The following NDRG2 variants were observed in gnomAD, a reference collection of about 807,000 sequenced individuals.
NDRG2 encodes NDRG family member 2, also known as protein NDRG2.
In NDRG2, 34 loss-of-function variants were observed where a neutral mutation model predicts 58.2. The observed-to-expected ratio is 0.58, with a 90% CI of 0.44 to 0.78. The LOEUF (loss-of-function observed/expected upper bound fraction) is 0.78. NDRG2 is among the 30% of genes least tolerant of loss of function. NDRG2 has a pLI of 0.00. For synonymous variants in NDRG2, 187 were observed against 175.9 expected (o/e 1.06, Z -0.50); for missense variants, 434 against 471.2 (o/e 0.92, Z 0.73).
In NDRG2 at chr14:21,050,411, G is replaced by A. The variant is rs569184062; in HGVS notation, c.24+20417C>T. Among the ~76,000 whole-genome samples, 8 of 152,288 alleles carry A rather than the reference G, an allele frequency of 5.3e-5. No individual in the cohort carries two copies. The South Asian group carries it at 1.7e-3, about 32-fold the overall frequency. ...TGAAAACATTACAGAGATCCTGTTTGGTGGAGCTCCGGGTGGGCCTGAGAT... is the reference window on the plus strand; with the variant it reads ...TGAAAACATTACAGAGATCCTGTTTAGTGGAGCTCCGGGTGGGCCTGAGAT... On this transcript the variant is annotated intron_variant, in intron 1 of 14. Coordinates refer to the NDRG2 transcript ENST00000403829.
chr14:21,063,211 GGTGTGTATGTGTGT>G (rs766562877), intron 1 of NDRG2, among the ~76,000 whole-genome samples: 41 of 151,392 alleles, frequency 2.7e-4, no homozygotes, highest in Non-Finnish European at 4.1e-4. Flanking sequence ...GCCTAAAAGT[GGTGTGTATGTGTGT>G]GTGTGTATGT....
chr14:21,034,082 T>A, intron 1 of NDRG2: 3 of 1,614,198 alleles, frequency 1.9e-6, no homozygotes, highest in Non-Finnish European at 1.7e-6. Context: ...AATGGATCTT[T>A]GGGCAATCTG....
intron 1 of NDRG2, among the ~76,000 whole-genome samples, chr14:21,068,329 AT>A (rs1330645871): frequency 6.6e-6 from 1 of 150,688 alleles, no homozygotes; most frequent in African/African-American, 2.4e-5. Context: ...AAAAAAAAAA[AT>A]GATCCACTCC....
intron 1 of NDRG2, among the ~76,000 whole-genome samples, chr14:21,052,471 A>G (rs545848121): frequency 6.6e-6 from 1 of 152,346 alleles, no homozygotes; most frequent in East Asian, 1.9e-4. Context: ...GTTCTAAAGG[A>G]TGGATAATAT....
chr14:21,040,774 G>A (rs913332891), intron 1 of NDRG2, among the ~76,000 whole-genome samples: 26 of 152,222 alleles, frequency 1.7e-4, no homozygotes, highest in Admixed American at 1.3e-3. Context: ...ATAATCACAA[G>A]TTCACTCTTA....
intron 1 of NDRG2, among the ~76,000 whole-genome samples, chr14:21,045,126 A>G (rs1885087671): frequency 6.6e-6 from 1 of 152,190 alleles, no homozygotes; most frequent in Admixed American, 6.5e-5. Context: ...ACGCAGACCA[A>G]GGCAAATACC....
chr14:21,030,640 G>A (rs569699209), upstream of NDRG2: 3 of 1,614,072 alleles, frequency 1.9e-6, no homozygotes, highest in South Asian at 2.2e-5. Context: ...GAATCATCAA[G>A]CAGTGGCACT....
chr14:21,022,196 A>G lies in NDRG2; in HGVS notation c.224-14T>C. On this transcript the variant is annotated splice_polypyrimidine_tract_variant and intron_variant, in intron 4 of 15. Coordinates refer to ENST00000556147, the MANE Select transcript of NDRG2 (RefSeq NM_001320329.2). ...AGCAAGATTTATCTAAAGAGAACCC[A>G]CATCACCTCAACAATAGAATCAGAC... 3 of 1,614,156 alleles carry G rather than the reference A, an allele frequency of 1.9e-6. No individual in the cohort carries two copies. The highest frequency in any genetic ancestry group is 2.5e-6 in the Non-Finnish European group (3 of 1,180,032).
chr14:21,044,171 A>G (rs1885040583), intron 1 of NDRG2: 1 of 167,108 alleles, frequency 6.0e-6, no homozygotes, highest in Non-Finnish European at 1.5e-5. Flanking sequence ...TGAAGAAACG[A>G]GTGCTCTGAA....
At chr14:21,060,039 A>ATAC (rs1885878185) in intron 1 of NDRG2, among the ~76,000 whole-genome samples, 1 of 152,148 alleles carries the variant, frequency 6.6e-6, no homozygotes, top group East Asian at 1.9e-4. Context: ...ACCTACTCAT[A>ATAC]TACTCACACT....
intron 1 of NDRG2, among the ~76,000 whole-genome samples, chr14:21,046,587 A>ATACG (rs1885172577): frequency 6.7e-6 from 1 of 149,586 alleles, no homozygotes; most frequent in African/African-American, 2.5e-5. Flanking sequence ...ACATACATAC[A>ATACG]TACATACCTT....
chr14:21,070,764 C>T lies in NDRG2; in HGVS notation c.24+64G>A. On this transcript the variant is annotated intron_variant, in intron 1 of 14. Transcript: ENST00000403829. The surrounding 1 kb of genome is among the most constrained non-coding windows in gnomAD (Gnocchi z 4.7). Reference sequence around the variant, plus strand: ...TCCGAGCTCCTTACCCGCGGGAGACCCCTGCGGGTTGGTCCTGCAGCGACC... The same window carrying T: ...TCCGAGCTCCTTACCCGCGGGAGACTCCTGCGGGTTGGTCCTGCAGCGACC... The T allele has an allele frequency of 2.0e-6, 3 of 1,507,010 alleles. No homozygotes were observed. Among genetic ancestry groups the T allele is most frequent in the Non-Finnish European group, 2.7e-6 (3 of 1,121,470 alleles). 93.4% of individuals were successfully genotyped at this position (1,507,010 alleles called of 1,614,324 possible). A position where few individuals can be genotyped will look rare whatever the true frequency, so the allele number is the denominator to read the frequency against.
chr14:21,060,980 G>A (rs1414762715), intron 1 of NDRG2, among the ~76,000 whole-genome samples: 2 of 152,188 alleles, frequency 1.3e-5, no homozygotes. Context: ...GCCTTGGAGG[G>A]GGCCGTGATT....
At chr14:21,030,640 G>C (rs569699209), upstream of NDRG2, 1 of 1,614,072 alleles carries the variant, frequency 6.2e-7, no homozygotes, top group South Asian at 1.1e-5. Flanking sequence ...GAATCATCAA[G>C]CAGTGGCACT....
intron 1 of NDRG2, chr14:21,057,854 C>G: frequency 6.4e-7 from 1 of 1,568,544 alleles, no homozygotes; most frequent in Non-Finnish European, 8.7e-7. Flanking sequence ...ATTCATCCAC[C>G]TACCTCCTCA....
Position 21,070,472 on chromosome 14 carries a change from G to C in NDRG2, c.24+356C>G, listed in dbSNP as rs1466411863. ...CCCGCTCCGGGCCCCCAAGTCCTCA[G>C]CCTGGTGCCTCCCGAGCCTGCCTCG... On this transcript the variant is annotated intron_variant, in intron 1 of 14. Transcript: ENST00000403829. The surrounding 1 kb of genome is among the most constrained non-coding windows in gnomAD (Gnocchi z 4.7). 21 of 1,350,798 alleles carry C rather than the reference G, an allele frequency of 1.6e-5. No individual in the cohort carries two copies. The highest frequency in any genetic ancestry group is 1.9e-4 in the Middle Eastern group (1 of 5,196). 83.7% of individuals were successfully genotyped at this position (1,350,798 alleles called of 1,614,324 possible).
chr14:21,043,171 A>T, intron 1 of NDRG2: 1 of 1,614,204 alleles, frequency 6.2e-7, no homozygotes, highest in Non-Finnish European at 8.5e-7. Flanking sequence ...AACATTAACA[A>T]GCACACAAAA....
At chr14:21,033,766 G>T in intron 1 of NDRG2, 3 of 1,194,662 alleles carry the variant, frequency 2.5e-6, no homozygotes, top group African/African-American at 1.5e-5. Flanking sequence ...CAGAGTGTTG[G>T]AAATGGAGAC....
At chr14:21,018,948 C>A in intron 11 of NDRG2, 134 bp from the exon 12 acceptor site, 4 of 1,292,856 alleles carry the variant, frequency 3.1e-6, no homozygotes, top group East Asian at 2.4e-5. Context: ...CTGATGCCAC[C>A]AAGAGGATTC....
Sources: gnomAD v4.1 joint callset for allele counts (sites outside exome capture counted in the v4.1 genomes callset) on GRCh38, gnomAD v4.1.1 for gene constraint, Gnocchi (gnomAD v3.1) non-coding constraint, MANE v1.5 for transcripts, NCBI Gene and HGNC (gene_info 2026-07-23, HGNC 2026-07-21) for gene names.